The following IL20RB variants were observed in gnomAD, a reference collection of about 807,000 sequenced individuals.
The protein encoded by IL20RB is interleukin 20 receptor subunit beta, also known as interleukin-20 receptor subunit beta.
Under a neutral mutation model 33.3 loss-of-function variants are expected in IL20RB, and 21 were observed. The observed-to-expected ratio is 0.63, with a 90% confidence interval of 0.45 to 0.91. The LOEUF is 0.91. Ranked by LOEUF, IL20RB falls within the 40% of genes least tolerant of loss-of-function variation. IL20RB has a pLI of 0.00. For synonymous variants in IL20RB, 147 were observed against 146.8 expected, an observed-to-expected ratio of 1.00 and a Z score of -0.01; for missense variants, 345 against 384.8, an observed-to-expected ratio of 0.90 and a Z score of 0.86.
At chr3:137,006,173 C>T (rs796860915) in intron 6 of IL20RB, among the ~76,000 whole-genome samples, 1 of 152,214 alleles carries the variant, frequency 6.6e-6, no homozygotes, top group South Asian at 2.1e-4. Context: ...GGTAACTTGA[C>T]CTTTCTTTCT....
At chr3:136,983,313 C>T (rs939623321) in intron 3 of IL20RB, among the ~76,000 whole-genome samples, 15 of 152,176 alleles carry the variant, frequency 9.9e-5, no homozygotes, top group African/African-American at 3.6e-4. Context: ...GTCTGGAACT[C>T]CTGACCTCAA....
At position 136,963,700 on chromosome 3, in the gene IL20RB, T is replaced by A. The variant is rs1315223908; in HGVS notation, c.88+5499T>A. Among the ~76,000 whole-genome samples, 98 of 147,386 alleles carry A rather than the reference T, an allele frequency of 6.6e-4. 1 individual carries two copies. The highest frequency in any genetic ancestry group is 2.8e-3 in the South Asian group (13 of 4,630). ...TTCTTTTTTTTTTTTTTTATTTTTT[T>A]TTTTTATTATACTCTAAGTTTTAGG... On this transcript the variant is annotated intron_variant, in intron 1 of 6. Transcript: ENST00000329582.
intron 6 of IL20RB, among the ~76,000 whole-genome samples, chr3:136,999,154 T>C (rs1942192372): frequency 1.3e-5 from 2 of 152,084 alleles, no homozygotes; most frequent in Non-Finnish European, 2.9e-5. Context: ...TGGAGTGCAG[T>C]GGCATGATTA....
In IL20RB at chr3:136,986,244, TAAATAAATAAATAAAA is replaced by T. The variant is rs1170183889; in HGVS notation, c.407-3195_407-3180del. Among the ~76,000 whole-genome samples, 172 of 141,236 alleles carry T rather than the reference TAAATAAATAAATAAAA, an allele frequency of 1.2e-3. 3 individuals are homozygous for T. The highest frequency in any genetic ancestry group is 3.8e-3 in the Admixed American group (51 of 13,398). The allele number at this position is 141,236 out of a possible 152,430, so 92.7% of individuals were successfully genotyped here. On this transcript the variant is annotated intron_variant, in intron 3 of 6. Transcript: ENST00000329582. ...ATAAATAAATAAATAAATAAATAAA[TAAATAAATAAATAAAA>T]ATAAAACAGGAACAATGTTTACCTT...
intron 6 of IL20RB, among the ~76,000 whole-genome samples, chr3:137,002,905 C>G (rs1044383286): frequency 1.3e-4 from 20 of 152,136 alleles, no homozygotes; most frequent in African/African-American, 4.3e-4. Context: ...GGCTTTAGGT[C>G]TAACATTTAA....
chr3:136,998,316 A>AT (rs1431264308), intron 6 of IL20RB, among the ~76,000 whole-genome samples: 1 of 151,742 alleles, frequency 6.6e-6, no homozygotes, highest in Admixed American at 6.6e-5. Flanking sequence ...TTAATATTAT[A>AT]TCATTTCACA....
At chr3:136,986,389 C>T (rs73232000) in intron 3 of IL20RB, among the ~76,000 whole-genome samples, 17,923 of 152,124 alleles carry the variant, frequency 0.12, 1,128 homozygotes, top group East Asian at 0.2. Flanking sequence ...ACTGAAACTT[C>T]AGATTATTTT....
Position 136,983,295 on chromosome 3 carries a change from C to T in IL20RB, c.406+945C>T, listed in dbSNP as rs1045271803. Among the ~76,000 whole-genome samples, 4 of 152,130 alleles carry T rather than the reference C, an allele frequency of 2.6e-5. No homozygotes were observed. In the South Asian group the frequency reaches 8.3e-4, roughly 31 times the overall value. On this transcript the variant is annotated intron_variant, in intron 3 of 6. Transcript: ENST00000329582. Reference sequence around the variant, plus strand: ...TAGAGACAGGGTTTCACTATGTTTTCCAGGCTGGTCTGGAACTCCTGACCT... The same window carrying T: ...TAGAGACAGGGTTTCACTATGTTTTTCAGGCTGGTCTGGAACTCCTGACCT...
chr3:136,963,686 T>A (rs1482207806), intron 1 of IL20RB, among the ~76,000 whole-genome samples: 15 of 92,228 alleles, frequency 1.6e-4, no homozygotes, highest in South Asian at 1.1e-3. Context: ...TCTTTTTTTT[T>A]TTTTTTATTT....
chr3:136,992,116 C>T (rs1263649190), intron 5 of IL20RB, 28 bp downstream of exon 5: 2 of 1,611,430 alleles, frequency 1.2e-6, no homozygotes, highest in African/African-American at 2.7e-5. Flanking sequence ...GTCCCTGGAG[C>T]CCTGCACAGG....
In IL20RB at chr3:136,958,004, C is replaced by T. The variant is rs900811835; in HGVS notation, c.-110C>T. The T allele has an allele frequency of 1.8e-5, 13 of 714,458 alleles. No homozygotes were observed. Among genetic ancestry groups the T allele is most frequent in the African/African-American group, 7.2e-5 (4 of 55,690 alleles). The allele number at this position is 714,458 out of a possible 1,614,324, so 44.3% of individuals were successfully genotyped here. A position where few individuals can be genotyped will look rare whatever the true frequency, so the allele number is the denominator to read the frequency against. On this transcript the variant is annotated 5_prime_UTR_variant, in exon 1 of 7. Transcript: ENST00000329582. ...CTCTAGAACAATTCAGGCTTCGCTG[C>T]GACTCAGACCTCAGCTCCAACATAT...
intron 6 of IL20RB, among the ~76,000 whole-genome samples, chr3:137,007,505 C>T (rs1000140701): frequency 2.4e-4 from 37 of 152,222 alleles, no homozygotes; most frequent in African/African-American, 8.9e-4. Flanking sequence ...GCAGATGCCC[C>T]TCCCCAAGCC....
intron 3 of IL20RB, among the ~76,000 whole-genome samples, chr3:136,987,891 C>A (rs1941947787): frequency 6.6e-6 from 1 of 152,178 alleles, no homozygotes; most frequent in Non-Finnish European, 1.5e-5. Flanking sequence ...GTGCGGGGCC[C>A]ACCAAGCCCA....
intron 3 of IL20RB, among the ~76,000 whole-genome samples, chr3:136,984,371 C>A (rs538785479): frequency 6.6e-6 from 1 of 152,008 alleles, no homozygotes; most frequent in Admixed American, 6.5e-5. Flanking sequence ...GAAAGGATGA[C>A]CATCTGGCTG....
At chr3:136,997,013 T>C (rs1009422792) in intron 6 of IL20RB, among the ~76,000 whole-genome samples, 2 of 152,160 alleles carry the variant, frequency 1.3e-5, no homozygotes, top group African/African-American at 4.8e-5. Context: ...ATCATCTTTG[T>C]CATTTTTTTT....
chr3:136,980,356 G>A lies in IL20RB; in HGVS notation c.89-110G>A, dbSNP rs754290732. The A allele has an allele frequency of 3.1e-6, 4 of 1,291,362 alleles. No individual in the cohort carries two copies. The East Asian group carries it at 9.5e-5, about 31-fold the overall frequency. 80.0% of individuals were successfully genotyped at this position (1,291,362 alleles called of 1,614,324 possible). On this transcript the variant is annotated intron_variant, in intron 1 of 6. Transcript: ENST00000329582. ...GCTGGAGTGCAGTGGTGCAATCTCA[G>A]CTTACTGCAACCTCCGCCAGTGAGG...
At chr3:136,975,941 G>A (rs951527925) in intron 1 of IL20RB, among the ~76,000 whole-genome samples, 1 of 152,208 alleles carries the variant, frequency 6.6e-6, no homozygotes, top group African/African-American at 2.4e-5. Context: ...GGTTCTTGGG[G>A]CCCTGGACAG....
At chr3:136,995,605 A>C (rs1389162162) in intron 6 of IL20RB, 49 bp downstream of exon 6, 3 of 1,591,674 alleles carry the variant, frequency 1.9e-6, no homozygotes, top group South Asian at 1.1e-5. Flanking sequence ...GACCAGATGT[A>C]GTTTGGGCCT....
At chr3:136,992,135 C>A in intron 5 of IL20RB, 47 bp downstream of exon 5, 1 of 1,592,848 alleles carries the variant, frequency 6.3e-7, no homozygotes, top group South Asian at 1.1e-5. Context: ...GGTGATAGCC[C>A]CTCCTGGCAT....
Sources: gnomAD v4.1 joint callset for allele counts (sites outside exome capture counted in the v4.1 genomes callset) on GRCh38, gnomAD v4.1.1 for gene constraint, MANE v1.5 for transcripts, NCBI Gene and HGNC (gene_info 2026-07-23, HGNC 2026-07-21) for gene names.